The following EARS2 variants were observed in gnomAD, a reference collection of about 807,000 sequenced individuals.
The protein encoded by EARS2 is glutamyl-tRNA synthetase 2, mitochondrial, also known as nondiscriminating glutamyl-tRNA synthetase EARS2, mitochondrial.
Under a neutral mutation model 54.1 loss-of-function variants are expected in EARS2, and 50 were observed. That is an observed-to-expected ratio of 0.92 (90% CI 0.74 to 1.17). The LOEUF (loss-of-function observed/expected upper bound fraction) is 1.17. Ranked by LOEUF, EARS2 falls within the 50% of genes most tolerant of loss-of-function variation. The pLI, the probability that EARS2 is intolerant of heterozygous loss-of-function variation, is 0.00. For missense variants in EARS2, 673 were observed against 675.0 expected, an observed-to-expected ratio of 1.00 and a Z score of 0.03; for synonymous variants, 298 against 281.0, an observed-to-expected ratio of 1.06 and a Z score of -0.61.
chr16:23,524,472 A>C lies in EARS2; in HGVS notation c.1489-18T>G, dbSNP rs199673118. On this transcript the variant is annotated intron_variant, in intron 8 of 8. Transcript: ENST00000449606. ...GGTCCTTGCTAAGAACAAAAAGAGCAAATATTGCCTTACTACCTTAAACAG... is the reference window on the plus strand; with the variant it reads ...GGTCCTTGCTAAGAACAAAAAGAGCCAATATTGCCTTACTACCTTAAACAG... 1.2e-6 allele frequency: 2 copies of C among 1,609,624 alleles called. No homozygotes were observed. The highest frequency in any genetic ancestry group is 4.5e-5 in the East Asian group (2 of 44,856).
At chr16:23,545,840 A>G (rs1239452679) in intron 2 of EARS2, among the ~76,000 whole-genome samples, 2 of 152,032 alleles carry the variant, frequency 1.3e-5, no homozygotes, top group African/African-American at 4.8e-5. Context: ...TTTTTTTAGT[A>G]GAGAGCGAGT....
intron 2 of EARS2, chr16:23,546,473 G>T (rs1405582944): frequency 2.2e-6 from 1 of 453,556 alleles, no homozygotes; most frequent in Non-Finnish European, 4.4e-6. Flanking sequence ...TTCTCATGAG[G>T]ATCATCATGA....
chr16:23,525,119 G>T, intron 8 of EARS2, 125 bp downstream of exon 8: 1 of 1,297,710 alleles, frequency 7.7e-7, no homozygotes, highest in Non-Finnish European at 1.1e-6. Flanking sequence ...ACTAAATGAG[G>T]GGAGTGATCA....
At chr16:23,533,872 AT>A (rs1201275917) in intron 4 of EARS2, among the ~76,000 whole-genome samples, 1 of 152,128 alleles carries the variant, frequency 6.6e-6, no homozygotes, top group African/African-American at 2.4e-5. Flanking sequence ...CCTGGACAAC[AT>A]GGTGAAACCC....
chr16:23,545,237 G>C (rs1270209425), intron 2 of EARS2: 1 of 152,732 alleles, frequency 6.5e-6, no homozygotes, highest in Non-Finnish European at 1.5e-5. Flanking sequence ...GGAGGTGTAC[G>C]GGCTCCAAAG....
At position 23,534,997 on chromosome 16, in the gene EARS2, G is replaced by A; in HGVS notation, c.849C>T (p.Ser283=). The change falls in exon 4 of 9, where the codon AGC becomes AGT. Residue 283 remains serine (S), a synonymous_variant. Transcript: ENST00000449606. ...HLPLLLNRDG[S]KLSKRQGDVF... is the part of the protein sequence containing the mutation. ...CGTCCCCTTGCCTCTTGGAGAGCTT[G>A]CTGCCATCCCTGTTGAGGAGCAGGG... is the stretch of plus-strand genomic sequence containing the variant. 2 of 1,612,876 alleles carry A rather than the reference G, an allele frequency of 1.2e-6. No homozygotes were observed. The highest frequency in any genetic ancestry group is 1.7e-6 in the Non-Finnish European group (2 of 1,179,530).
At chr16:23,553,740 A>G (rs1299654661) in intron 1 of EARS2, among the ~76,000 whole-genome samples, 1 of 151,276 alleles carries the variant, frequency 6.6e-6, no homozygotes, top group Non-Finnish European at 1.5e-5. Context: ...AAATACCACA[A>G]AAAAAATTAG....
Position 23,544,625 on chromosome 16 carries a change from G to C in EARS2, c.374C>G (p.Ala125Gly). Reference protein sequence around the residue: ...YQQSQRLELYAQATEALLKTG... With the variant: ...YQQSQRLELYGQATEALLKTG... ...CTTCAGCAGCGCTTCTGTGGCCTGGGCATACAGCTCCAACCGCTGAGATTG... is the reference window on the plus strand; with the variant it reads ...CTTCAGCAGCGCTTCTGTGGCCTGGCCATACAGCTCCAACCGCTGAGATTG... The change falls in exon 3 of 9, where the codon GCC becomes GGC. Residue 125 changes from alanine to glycine, a missense_variant. By Grantham distance (60) the Ala-to-Gly change is moderately conservative. Around this residue, in one of 3 missense-constraint regions of EARS2, gnomAD observed 316 missense variants for 275.2 expected, o/e 1.15. Transcript: ENST00000449606. 1 of 1,612,796 alleles carries C rather than the reference G, an allele frequency of 6.2e-7. No homozygotes were observed. The highest frequency in any genetic ancestry group is 8.5e-7 in the Non-Finnish European group (1 of 1,179,688).
rs376819705 is a variant in EARS2 at position 23,536,927 on chromosome 16, C to T, written c.486-1567G>A. On this transcript the variant is annotated intron_variant, in intron 3 of 8. Transcript: ENST00000449606. ...CGAACTCCTGATCTCGTGATCTACC[C>T]GCCTCGGCCTCCCATAGTGCTGGGA... 1.8e-4 allele frequency: 27 copies of T among 152,244 alleles called. No homozygotes were observed. The East Asian group carries it at 4.7e-3, about 27-fold the overall frequency. The allele number at this position is 152,244 out of a possible 1,614,324, so 9.4% of individuals were successfully genotyped here. A position where few individuals can be genotyped will look rare whatever the true frequency, so the allele number is the denominator to read the frequency against.
At chr16:23,526,910 G>A (rs901272896) in intron 7 of EARS2, among the ~76,000 whole-genome samples, 8 of 152,074 alleles carry the variant, frequency 5.3e-5, no homozygotes, top group African/African-American at 1.9e-4. Flanking sequence ...GAATAGGCTG[G>A]GGATGAGTAT....
chr16:23,540,505 A>G (rs553021583), intron 3 of EARS2, among the ~76,000 whole-genome samples: 1 of 152,384 alleles, frequency 6.6e-6, no homozygotes, highest in East Asian at 1.9e-4. Flanking sequence ...ACTTGGCAGT[A>G]TCCATCAAAG....
rs776366671 is a variant in EARS2, at chr16:23,557,335, C to T, written c.9G>A (p.Ala3=). The T allele has an allele frequency of 1.3e-6, 2 of 1,546,504 alleles. No homozygotes were observed. The highest frequency in any genetic ancestry group is 1.9e-5 in the Admixed American group (1 of 51,282). MA[A]LLRRLLQRER... ...CGCGCTGCAGCAGTCTCCTCAGGAG[C>T]GCCGCCATGTGGGATGGAATAGCAC... Residue 3 remains alanine (A), a synonymous_variant, in exon 1 of 9, where the codon GCG becomes GCA. Coordinates refer to ENST00000449606, the MANE Select transcript of EARS2 (RefSeq NM_001083614.2).
chr16:23,556,219 C>G (rs1033705702), intron 1 of EARS2, among the ~76,000 whole-genome samples: 5 of 151,956 alleles, frequency 3.3e-5, no homozygotes, highest in Non-Finnish European at 7.4e-5. Context: ...GGTAGCCTTA[C>G]TGGTGGGAAC....
intron 2 of EARS2, among the ~76,000 whole-genome samples, chr16:23,547,348 G>T (rs1045806214): frequency 2.0e-5 from 3 of 152,174 alleles, no homozygotes; most frequent in Middle Eastern, 3.2e-3. Flanking sequence ...GTAGGAGAGG[G>T]TAGAATGGAA....
chr16:23,554,130 C>T (rs189432292), intron 1 of EARS2, among the ~76,000 whole-genome samples: 1 of 152,226 alleles, frequency 6.6e-6, no homozygotes, highest in Non-Finnish European at 1.5e-5. Flanking sequence ...CCACGTCAGC[C>T]TCCCAAGTAG....
intron 7 of EARS2, among the ~76,000 whole-genome samples, chr16:23,525,697 G>A (rs748808891): frequency 4.6e-5 from 7 of 152,134 alleles, no homozygotes; most frequent in Non-Finnish European, 8.8e-5. Flanking sequence ...GTAAAGTGGG[G>A]AGAATAATAG....
At chr16:23,550,795 A>G (rs1282444955) in intron 2 of EARS2, 1 of 152,168 alleles carries the variant, frequency 6.6e-6, no homozygotes, top group Non-Finnish European at 1.5e-5. Flanking sequence ...TGAGATTAGA[A>G]CACACATCTC....
chr16:23,555,129 C>G (rs1190462413), intron 1 of EARS2, among the ~76,000 whole-genome samples: 1 of 152,164 alleles, frequency 6.6e-6, no homozygotes, highest in Non-Finnish European at 1.5e-5. Context: ...CCCCATAAGA[C>G]AGATATTATT....
At chr16:23,549,731 C>T (rs1965662095) in intron 2 of EARS2, among the ~76,000 whole-genome samples, 1 of 152,160 alleles carries the variant, frequency 6.6e-6, no homozygotes, top group Non-Finnish European at 1.5e-5. Context: ...GCTGGGATTC[C>T]AGGCGTGTAC....
Sources: gnomAD v4.1 joint callset for allele counts (sites outside exome capture counted in the v4.1 genomes callset) on GRCh38, gnomAD v4.1.1 for gene constraint, gnomAD v4.1.1 regional missense constraint, MANE v1.5 for transcripts, NCBI Gene and HGNC (gene_info 2026-07-23, HGNC 2026-07-21) for gene names.